Variants in SYNE1 observed in about 807,000 individuals in gnomAD.
SYNE1 encodes nesprin-1.
A neutral mutation model predicts 1,111.0 loss-of-function variants in SYNE1; 616 were observed. That is an observed-to-expected ratio of 0.55 (90% CI 0.52 to 0.59). SYNE1 has a LOEUF of 0.59. Among genes scored for constraint, SYNE1 ranks in the 20% least tolerant of loss-of-function variants. The pLI is 0.00. For missense variants in SYNE1, 10,006 were observed against 10,417.0 expected, an observed-to-expected ratio of 0.96 and a Z score of 1.72; for synonymous variants, 3,855 against 3,825.8, an observed-to-expected ratio of 1.01 and a Z score of -0.28.
At chr6:152,589,184 G>A (rs1043725574) in intron 3 of SYNE1, among the ~76,000 whole-genome samples, 5 of 152,126 alleles carry the variant, frequency 3.3e-5, no homozygotes, top group Admixed American at 1.3e-4. Flanking sequence ...TGGGATTACA[G>A]GAGTGAGCCA....
chr6:152,326,183 T>C (rs1277870402), intron 79 of SYNE1, 81 bp from the exon 80 acceptor site: 2 of 1,612,954 alleles, frequency 1.2e-6, no homozygotes, highest in East Asian at 4.5e-5. Flanking sequence ...GTATGTCTAA[T>C]GATACTCAGG....
rs1453369651 is a variant in SYNE1 at position 152,488,436 on chromosome 6, C to T, written c.1007G>A (p.Arg336Lys). 3.7e-6 allele frequency: 6 copies of T among 1,609,410 alleles called. No homozygotes were observed. The highest frequency in any genetic ancestry group is 2.7e-5 in the African/African-American group (2 of 74,838). The stretch of plus-strand genomic sequence containing the variant: ...TAAATTTGATTCCACCATCTGTGCT[C>T]TTGTCAAATCTCTCTCAAATTGTTC... Reference protein sequence around the residue: ...WIEQFERDLTRAQMVESNLQD... With the variant: ...WIEQFERDLTKAQMVESNLQD... The change falls in exon 12 of 146, where the codon AGA becomes AAA. Residue 336 changes from arginine to lysine, a missense_variant. Around this residue, in one of 7 missense-constraint regions of SYNE1, gnomAD observed 1,971 missense variants for 2,084.1 expected, o/e 0.95. Transcript: ENST00000367255.
Position 152,225,850 on chromosome 6 carries a change from T to G in SYNE1, c.21222A>C (p.Lys7074Asn). The G allele has an allele frequency of 6.2e-7, 1 of 1,613,740 alleles. No individual in the cohort carries two copies. The highest frequency in any genetic ancestry group is 1.1e-5 in the South Asian group (1 of 91,062). ...CQDLEDLIKA[K>N]EKEVEKIEQN... The stretch of plus-strand genomic sequence containing the variant: ...GCTCAATTTTCTCTACTTCTTTTTC[T>G]TTTGCTTTAATCAAATCTTCCAGAT... Residue 7074 changes from lysine (K) to asparagine (N), a missense_variant, in exon 116 of 146, where the codon AAA (lysine) becomes AAC (asparagine). Lys to Asn is a moderately conservative substitution (Grantham distance 94). This residue lies in a region of SYNE1 where 2,182 missense variants were observed against 2,287.8 expected (regional missense o/e 0.95). Coordinates refer to ENST00000367255, the MANE Select transcript of SYNE1 (RefSeq NM_182961.4).
chr6:152,213,829 T>C, intron 122 of SYNE1, 70 bp from the exon 123 acceptor site: 1 of 1,589,374 alleles, frequency 6.3e-7, no homozygotes, highest in Non-Finnish European at 8.6e-7. Context: ...CATATAAAAC[T>C]AGATTAAATA....
Position 152,301,885 on chromosome 6 carries a change from TG to T in SYNE1, c.17524del (p.His5842ThrfsTer6). On this transcript the variant is annotated frameshift_variant, in exon 92 of 146. Transcript: ENST00000367255. LOFTEE classifies it high-confidence loss of function. ...GATCCTTACCATGACCACAGAGGGGTGGGCCGAAGGCGTGGGGAGGAGCTCC... is the reference window on the plus strand; with the variant it reads ...GATCCTTACCATGACCACAGAGGGGTGGCCGAAGGCGTGGGGAGGAGCTCC... ...DGELLPTPSA[H>X]PSVVMMTAGR... 1 of 1,613,416 alleles carries T rather than the reference TG, an allele frequency of 6.2e-7. No homozygotes were observed. Among genetic ancestry groups the T allele is most frequent in the Non-Finnish European group, 8.5e-7 (1 of 1,179,546 alleles).
chr6:152,586,408 G>A (rs561404994), intron 3 of SYNE1, among the ~76,000 whole-genome samples: 2 of 152,030 alleles, frequency 1.3e-5, no homozygotes, highest in Non-Finnish European at 2.9e-5. Context: ...TAATTTCTCC[G>A]CATTTGATAT....
At chr6:152,573,323 C>T (rs1595620026) in intron 3 of SYNE1, among the ~76,000 whole-genome samples, 11 of 42,062 alleles carry the variant, frequency 2.6e-4, no homozygotes, top group Admixed American at 2.5e-3. Flanking sequence ...CTAATGCTAT[C>T]CCCCCCCCTC....
At chr6:152,511,597 A>G (rs1432459439) in intron 6 of SYNE1, 10 of 1,612,412 alleles carry the variant, frequency 6.2e-6, no homozygotes, top group Non-Finnish European at 8.5e-6. Context: ...ATGGACTGAC[A>G]TGAAAAACAA....
intron 44 of SYNE1, 54 bp downstream of exon 44, chr6:152,409,014 A>T (rs2097957642): frequency 3.2e-6 from 5 of 1,546,624 alleles, no homozygotes; most frequent in Non-Finnish European, 4.4e-6. Flanking sequence ...CAAAAATTTG[A>T]TTGGGGAATG....
intron 130 of SYNE1, among the ~76,000 whole-genome samples, chr6:152,169,785 G>A (rs1028471461): frequency 8.0e-5 from 12 of 149,794 alleles, no homozygotes; most frequent in African/African-American, 1.7e-4. Flanking sequence ...GGGTGACAGC[G>A]CAAACCCAAT....
At chr6:152,486,082 C>T (rs1012874738) in intron 12 of SYNE1, among the ~76,000 whole-genome samples, 4 of 152,034 alleles carry the variant, frequency 2.6e-5, no homozygotes, top group African/African-American at 7.3e-5. Context: ...GTAGTCCCAG[C>T]TACTCAGGAG....
chr6:152,463,471 A>G lies in SYNE1; in HGVS notation c.1979T>C (p.Met660Thr). 6.2e-7 allele frequency: 1 copy of G among 1,613,744 alleles called. No individual in the cohort carries two copies. The highest frequency in any genetic ancestry group is 8.5e-7 in the Non-Finnish European group (1 of 1,179,726). Residue 660 changes from methionine (M) to threonine (T), a missense_variant, in exon 19 of 146, where the codon ATG (methionine) becomes ACG (threonine). This residue lies in a region of SYNE1 where 1,971 missense variants were observed against 2,084.1 expected (regional missense o/e 0.95). Transcript: ENST00000367255. Reference sequence around the variant, plus strand: ...AATTAGAAAATTGCCAGCATCGTTCATGGCAGTATGCTGCTGAATCCAATG... The same window carrying G: ...AATTAGAAAATTGCCAGCATCGTTCGTGGCAGTATGCTGCTGAATCCAATG... ...LPHWIQQHTA[M>T]NDAGNFLIET...
intron 62 of SYNE1, among the ~76,000 whole-genome samples, chr6:152,366,822 C>T (rs1019378201): frequency 2.0e-5 from 3 of 152,184 alleles, no homozygotes; most frequent in Admixed American, 2.0e-4. Context: ...CGAAAATGAA[C>T]TCATAACTTG....
At chr6:152,557,918 AT>A (rs2099375766) in intron 3 of SYNE1, among the ~76,000 whole-genome samples, 1 of 152,188 alleles carries the variant, frequency 6.6e-6, no homozygotes, top group African/African-American at 2.4e-5. Flanking sequence ...AATTCACAAT[AT>A]CCTAATACTG....
chr6:152,458,901 A>T lies in SYNE1; in HGVS notation c.2424T>A (p.Tyr808Ter). Residue 808 changes from tyrosine (Y) to a stop codon, truncating the protein, a stop_gained, in exon 22 of 146, where the codon TAT becomes TAA. Coordinates refer to ENST00000367255, the MANE Select transcript of SYNE1 (RefSeq NM_182961.4). LOFTEE classifies it high-confidence loss of function. ...KVKECYSPLL[Y>*]ESQQLLIPLE... ...ACGGAATCAACAGCTGCTGAGACTC[A>T]TAAAGGAGTGGGGAGTAACATTCTT... is the stretch of plus-strand genomic sequence containing the variant. 6.2e-7 allele frequency: 1 copy of T among 1,614,082 alleles called. No homozygotes were observed. The highest frequency in any genetic ancestry group is 8.5e-7 in the Non-Finnish European group (1 of 1,179,974).
At chr6:152,263,875 A>G (rs2092382453) in intron 100 of SYNE1, among the ~76,000 whole-genome samples, 1 of 151,834 alleles carries the variant, frequency 6.6e-6, no homozygotes, top group Non-Finnish European at 1.5e-5. Flanking sequence ...CATAAGGCCT[A>G]TAACCCTATC....
intron 95 of SYNE1, among the ~76,000 whole-genome samples, chr6:152,289,941 T>C (rs2153751582): frequency 6.6e-6 from 1 of 151,634 alleles, no homozygotes; most frequent in South Asian, 2.1e-4. Flanking sequence ...TTTTTTTTTT[T>C]TTTTAAGCCT....
chr6:152,151,705 G>A lies in SYNE1; in HGVS notation c.24313-15C>T. ...CCAATAAAATGCTGGAAGGCAAGAGGAAAGTAGTAACAATTATTTTTATTA... is the reference window on the plus strand; with the variant it reads ...CCAATAAAATGCTGGAAGGCAAGAGAAAAGTAGTAACAATTATTTTTATTA... On this transcript the variant is annotated splice_polypyrimidine_tract_variant and intron_variant, in intron 134 of 145. Coordinates refer to ENST00000367255, the MANE Select transcript of SYNE1 (RefSeq NM_182961.4). 4 of 1,612,786 alleles carry A rather than the reference G, an allele frequency of 2.5e-6. No individual in the cohort carries two copies. Among genetic ancestry groups the A allele is most frequent in the Non-Finnish European group, 3.4e-6 (4 of 1,179,340 alleles).
chr6:152,429,070 ACTGT>A (rs1456843217), intron 36 of SYNE1, among the ~76,000 whole-genome samples: 3 of 145,840 alleles, frequency 2.1e-5, no homozygotes, highest in East Asian at 2.0e-4. Flanking sequence ...TGAAGAAGCT[ACTGT>A]CTATCTCAAT....
Sources: gnomAD v4.1 joint callset for allele counts (sites outside exome capture counted in the v4.1 genomes callset) on GRCh38, gnomAD v4.1.1 for gene constraint, gnomAD v4.1.1 regional missense constraint, MANE v1.5 for transcripts, NCBI Gene and HGNC (gene_info 2026-07-23, HGNC 2026-07-21) for gene names.